TTC27: variants seen among roughly 807,000 people sequenced by gnomAD.
TTC27 encodes tetratricopeptide repeat domain 27.
A neutral mutation model predicts 115.9 loss-of-function variants in TTC27; 79 were observed. That is an observed-to-expected ratio of 0.68 (90% CI 0.57 to 0.82). The LOEUF (loss-of-function observed/expected upper bound fraction) is 0.82. TTC27 is among the 40% of genes least tolerant of loss of function. The probability of loss-of-function intolerance (pLI) is 0.00; values close to 1 mark genes in which losing one functional copy is unlikely to be tolerated. For synonymous variants in TTC27, 401 were observed against 356.0 expected (o/e 1.13, Z -1.42); for missense variants, 1,054 against 993.1 (o/e 1.06, Z -0.82).
intron 14 of TTC27, among the ~76,000 whole-genome samples, chr2:32,781,107 G>A (rs1670161663): frequency 6.6e-6 from 1 of 152,172 alleles, no homozygotes; most frequent in African/African-American, 2.4e-5. Flanking sequence ...ATGGCAGAGT[G>A]CAAAATTAGT....
chr2:32,811,005 T>C lies in TTC27; in HGVS notation c.1999-19T>C. Reference sequence around the variant, plus strand: ...TTTGTTGGTTTCTAACTTACCAGTTTGTTCTGTGCATTTTTAAGGTCCTTA... The same window carrying C: ...TTTGTTGGTTTCTAACTTACCAGTTCGTTCTGTGCATTTTTAAGGTCCTTA... On this transcript the variant is annotated intron_variant, in intron 16 of 19. Transcript: ENST00000317907. 1 of 1,613,634 alleles carries C rather than the reference T, an allele frequency of 6.2e-7. No homozygotes were observed. The highest frequency in any genetic ancestry group is 8.5e-7 in the Non-Finnish European group (1 of 1,179,532).
At chr2:32,672,789 CA>C (rs1200692880) in intron 8 of TTC27, among the ~76,000 whole-genome samples, 1 of 152,026 alleles carries the variant, frequency 6.6e-6, no homozygotes, top group Non-Finnish European at 1.5e-5. Flanking sequence ...GAAATAATTT[CA>C]AATTTGTGAA....
At chr2:32,697,586 T>G (rs1260833568) in intron 9 of TTC27, among the ~76,000 whole-genome samples, 1 of 152,196 alleles carries the variant, frequency 6.6e-6, no homozygotes. Flanking sequence ...ATGAACTTAT[T>G]TTCCCTTCAT....
At chr2:32,690,722 G>A (rs1666781591) in intron 9 of TTC27, among the ~76,000 whole-genome samples, 1 of 152,196 alleles carries the variant, frequency 6.6e-6, no homozygotes, top group African/African-American at 2.4e-5. Flanking sequence ...GACCTACCTA[G>A]CAAGGATAGG....
At chr2:32,783,531 A>T (rs879624593) in intron 15 of TTC27, among the ~76,000 whole-genome samples, 1 of 152,238 alleles carries the variant, frequency 6.6e-6, no homozygotes, top group Non-Finnish European at 1.5e-5. Flanking sequence ...AATGATTGAG[A>T]CTGTCCTGTT....
At chr2:32,693,854 T>C (rs1004743836) in intron 9 of TTC27, among the ~76,000 whole-genome samples, 3 of 152,218 alleles carry the variant, frequency 2.0e-5, no homozygotes, top group Non-Finnish European at 2.9e-5. Context: ...CTTCTTTTTA[T>C]GAAAAGATAC....
intron 15 of TTC27, among the ~76,000 whole-genome samples, chr2:32,786,112 TC>T (rs1670339448): frequency 7.4e-6 from 1 of 135,614 alleles, no homozygotes; most frequent in African/African-American, 2.9e-5. Context: ...CTCCTCCCTC[TC>T]CCCCTTAAAA....
chr2:32,634,303 T>G (rs1179199150), intron 3 of TTC27, among the ~76,000 whole-genome samples: 1 of 152,038 alleles, frequency 6.6e-6, no homozygotes, highest in Non-Finnish European at 1.5e-5. Context: ...CATAAAGATT[T>G]TTTTTTTTTG....
chr2:32,706,756 G>T (rs1015139281), intron 10 of TTC27, among the ~76,000 whole-genome samples: 1 of 152,044 alleles, frequency 6.6e-6, no homozygotes, highest in Non-Finnish European at 1.5e-5. Flanking sequence ...TAGAGACAGG[G>T]TTTCACCATG....
chr2:32,649,978 G>A (rs1430737313), intron 4 of TTC27, among the ~76,000 whole-genome samples, 153 bp from the exon 5 acceptor site: 1 of 151,972 alleles, frequency 6.6e-6, no homozygotes, highest in Non-Finnish European at 1.5e-5. Flanking sequence ...TGTGGGTTTT[G>A]GTATTATTAC....
chr2:32,777,557 T>C (rs945594471), intron 13 of TTC27, among the ~76,000 whole-genome samples: 2 of 152,200 alleles, frequency 1.3e-5, no homozygotes, highest in South Asian at 2.1e-4. Context: ...AGTTTTTTTT[T>C]CTCCAATATT....
At chr2:32,744,958 G>T (rs1668766566) in intron 12 of TTC27, among the ~76,000 whole-genome samples, 1 of 143,684 alleles carries the variant, frequency 7.0e-6, no homozygotes, top group Admixed American at 7.4e-5. Context: ...TGAGGCAGGA[G>T]AATCCTTTGA....
intron 3 of TTC27, chr2:32,635,120 G>T (rs917007139): frequency 6.6e-6 from 1 of 152,184 alleles, no homozygotes; most frequent in African/African-American, 2.4e-5. Context: ...GTGCCAGTGT[G>T]TCGCCAATAG....
chr2:32,641,305 C>T (rs1041271692), intron 4 of TTC27, among the ~76,000 whole-genome samples: 4 of 152,130 alleles, frequency 2.6e-5, no homozygotes, highest in South Asian at 4.1e-4. Flanking sequence ...GTCTGTGTTG[C>T]GCTATTCAAC....
intron 10 of TTC27, among the ~76,000 whole-genome samples, chr2:32,730,045 G>A (rs961225536): frequency 1.3e-5 from 2 of 152,058 alleles, no homozygotes; most frequent in South Asian, 2.1e-4. Flanking sequence ...GTTTATATTC[G>A]CATTCATGCA....
intron 5 of TTC27, among the ~76,000 whole-genome samples, chr2:32,657,353 C>CTTTTT (rs988569906): frequency 3.9e-5 from 5 of 128,322 alleles, no homozygotes; most frequent in East Asian, 2.3e-4. Flanking sequence ...CACTGTCTTT[C>CTTTTT]TTTTTTTTTT....
Position 32,787,065 on chromosome 2 carries a change from C to T in TTC27, c.1914C>T (p.Thr638=). ...AGATTTGGGAAAACTACATCCTCAC[C>T]AGCACTGACGTTGGGGAATTTTCAG... is the stretch of plus-strand genomic sequence containing the variant. The part of the protein sequence containing the change: ...HWQIWENYIL[T]STDVGEFSEA... The change falls in exon 16 of 20, where the codon ACC becomes ACT. Residue 638 remains threonine (T), a synonymous_variant. Coordinates refer to ENST00000317907, the MANE Select transcript of TTC27 (RefSeq NM_017735.5). 6.2e-7 allele frequency: 1 copy of T among 1,614,098 alleles called. No homozygotes were observed. Among genetic ancestry groups the T allele is most frequent in the Non-Finnish European group, 8.5e-7 (1 of 1,179,988 alleles).
At chr2:32,739,108 C>T (rs536572727) in intron 12 of TTC27, among the ~76,000 whole-genome samples, 1 of 151,940 alleles carries the variant, frequency 6.6e-6, no homozygotes, top group Non-Finnish European at 1.5e-5. Context: ...TTTTAGTGCC[C>T]GTTGTCTGAC....
At chr2:32,633,649 C>T (rs1664300053) in intron 2 of TTC27, among the ~76,000 whole-genome samples, 1 of 152,164 alleles carries the variant, frequency 6.6e-6, no homozygotes, top group Admixed American at 6.5e-5. Context: ...AATGATCCTC[C>T]TACCGTGGCC....
Sources: allele counts gnomAD v4.1 joint callset (sites outside exome capture counted in the v4.1 genomes callset), GRCh38; gene constraint gnomAD v4.1.1; transcripts MANE v1.5; gene names NCBI Gene and HGNC (gene_info 2026-07-23, HGNC 2026-07-21).